GALNTL6: variants seen among roughly 807,000 people sequenced by gnomAD.
GALNTL6 encodes the protein polypeptide N-acetylgalactosaminyltransferase-like 6.
In GALNTL6, 46 loss-of-function variants were observed where a neutral mutation model predicts 73.7. The ratio of observed to expected loss-of-function variants is 0.62; its 90% CI spans 0.49 to 0.80. The LOEUF is 0.80. Ranked by LOEUF, GALNTL6 falls within the 30% of genes least tolerant of loss-of-function variation. The probability of loss-of-function intolerance (pLI) is 0.00; values close to 1 mark genes in which losing one functional copy is unlikely to be tolerated. For synonymous variants in GALNTL6, 259 were observed against 263.7 expected, an observed-to-expected ratio of 0.98 and a Z score of 0.17; for missense variants, 604 against 755.0, an observed-to-expected ratio of 0.80 and a Z score of 2.34.
chr4:172,038,433 C>T (rs940209261), intron 2 of GALNTL6, among the ~76,000 whole-genome samples: 3 of 152,024 alleles, frequency 2.0e-5, no homozygotes, highest in Admixed American at 2.0e-4. Flanking sequence ...ACACATTGTC[C>T]TTGCTTTGCT....
chr4:172,919,280 T>C (rs1747677643), intron 8 of GALNTL6, among the ~76,000 whole-genome samples: 2 of 152,210 alleles, frequency 1.3e-5, no homozygotes, highest in African/African-American at 4.8e-5. Context: ...CCTGAGGGCC[T>C]CAAGTGCTGC....
intron 5 of GALNTL6, among the ~76,000 whole-genome samples, chr4:172,764,724 A>G (rs907464470): frequency 6.6e-6 from 1 of 152,194 alleles, no homozygotes; most frequent in African/African-American, 2.4e-5. Flanking sequence ...TGTCTCAAAA[A>G]TAGAATCACA....
At chr4:172,376,405 G>A (rs1033058891) in intron 5 of GALNTL6, among the ~76,000 whole-genome samples, 1 of 152,034 alleles carries the variant, frequency 6.6e-6, no homozygotes, top group Non-Finnish European at 1.5e-5. Flanking sequence ...ACTTGTTGTC[G>A]GCACCCCGGA....
chr4:172,262,923 G>A (rs1370426227), intron 3 of GALNTL6, among the ~76,000 whole-genome samples: 1 of 150,928 alleles, frequency 6.6e-6, no homozygotes. Context: ...AATTTTTTTT[G>A]TTTCAGGAGG....
chr4:172,308,240 G>A (rs62329873), intron 3 of GALNTL6, among the ~76,000 whole-genome samples: 62,511 of 150,712 alleles, frequency 0.41, 15,091 homozygotes, highest in South Asian at 0.64. Flanking sequence ...AGTCTTTAGG[G>A]TTTTCATGGT....
intron 5 of GALNTL6, among the ~76,000 whole-genome samples, chr4:172,694,084 G>A (rs1456471276): frequency 1.3e-5 from 2 of 151,726 alleles, no homozygotes; most frequent in East Asian, 3.9e-4. Context: ...GTTTATTTGA[G>A]CAGTCAGAGA....
chr4:172,037,113 C>G (rs2110832107), intron 2 of GALNTL6, among the ~76,000 whole-genome samples: 1 of 152,196 alleles, frequency 6.6e-6, no homozygotes, highest in South Asian at 2.1e-4. Context: ...ATTTAAAAAG[C>G]CTGAAATATT....
At chr4:172,654,333 T>C (rs1730867120) in intron 5 of GALNTL6, among the ~76,000 whole-genome samples, 1 of 152,214 alleles carries the variant, frequency 6.6e-6, no homozygotes, top group South Asian at 2.1e-4. Flanking sequence ...CGAACCATTA[T>C]TTTCTTGCAG....
chr4:172,815,071 T>G (rs531016932), intron 7 of GALNTL6, among the ~76,000 whole-genome samples: 2 of 152,296 alleles, frequency 1.3e-5, no homozygotes, highest in South Asian at 4.1e-4. Flanking sequence ...GCATTTGAAG[T>G]GAGCTTAGCT....
intron 5 of GALNTL6, among the ~76,000 whole-genome samples, chr4:172,592,184 G>A (rs866651904): frequency 1.8e-4 from 27 of 152,274 alleles, no homozygotes; most frequent in Middle Eastern, 6.8e-3. Flanking sequence ...CTTTTGTGTG[G>A]CATCAAAACA....
intron 5 of GALNTL6, among the ~76,000 whole-genome samples, chr4:172,473,609 C>T (rs1434808161): frequency 6.6e-6 from 1 of 152,174 alleles, no homozygotes; most frequent in African/African-American, 2.4e-5. Context: ...TCAAGATAGA[C>T]TTTCTTTACA....
chr4:171,978,802 C>A (rs1487570430), intron 2 of GALNTL6, among the ~76,000 whole-genome samples: 1 of 149,052 alleles, frequency 6.7e-6, no homozygotes, highest in African/African-American at 2.6e-5. Context: ...TCAGCTATTG[C>A]ATTTTGCAAA....
intron 3 of GALNTL6, among the ~76,000 whole-genome samples, chr4:172,231,334 G>A (rs1010183684): frequency 1.3e-5 from 2 of 152,234 alleles, no homozygotes; most frequent in African/African-American, 4.8e-5. Flanking sequence ...CTGAATGGAT[G>A]TTTTATACTA....
chr4:172,351,302 G>A (rs1441114059), intron 5 of GALNTL6, among the ~76,000 whole-genome samples: 1 of 151,830 alleles, frequency 6.6e-6, no homozygotes, highest in Admixed American at 6.6e-5. Context: ...GAGTTATCAT[G>A]GTAATTTATA....
intron 8 of GALNTL6, among the ~76,000 whole-genome samples, chr4:172,930,736 C>T (rs1748286264): frequency 6.6e-6 from 1 of 152,196 alleles, no homozygotes; most frequent in South Asian, 2.1e-4. Flanking sequence ...GGCTGAAGTG[C>T]AGTGGTGCAA....
chr4:171,952,216 G>A (rs440434), intron 2 of GALNTL6, among the ~76,000 whole-genome samples: 150,783 of 152,070 alleles, frequency 0.99, 74,766 homozygotes, highest in Middle Eastern at 1. Context: ...ACCAGGCTTT[G>A]TTTATGGAAG....
At chr4:172,420,459 GT>G (rs916727703) in intron 5 of GALNTL6, among the ~76,000 whole-genome samples, 7 of 152,154 alleles carry the variant, frequency 4.6e-5, no homozygotes, top group African/African-American at 1.4e-4. Flanking sequence ...AGGGGAATGT[GT>G]TTTTTAAGTG....
At chr4:172,237,156 G>T (rs1737272299) in intron 3 of GALNTL6, among the ~76,000 whole-genome samples, 1 of 152,206 alleles carries the variant, frequency 6.6e-6, no homozygotes, top group Non-Finnish European at 1.5e-5. Context: ...TTGTTATGGT[G>T]AATAGTGCTG....
intron 5 of GALNTL6, among the ~76,000 whole-genome samples, chr4:172,707,940 G>C (rs1734456542): frequency 6.6e-6 from 1 of 152,118 alleles, no homozygotes; most frequent in Admixed American, 6.5e-5. Flanking sequence ...GGGTTGGGGA[G>C]AGCCAAAGCC....
Sources: gnomAD v4.1 joint callset for allele counts (sites outside exome capture counted in the v4.1 genomes callset) on GRCh38, gnomAD v4.1.1 for gene constraint, MANE v1.5 for transcripts, NCBI Gene and HGNC (gene_info 2026-07-23, HGNC 2026-07-21) for gene names.